PITRM1: variants seen among roughly 807,000 people sequenced by gnomAD.
PITRM1 encodes the protein pitrilysin metallopeptidase 1.
Under a neutral mutation model 129.9 loss-of-function variants are expected in PITRM1, and 100 were observed. That is an observed-to-expected ratio of 0.77 (90% CI 0.65 to 0.91). PITRM1 has a LOEUF of 0.91. Among genes scored for constraint, PITRM1 ranks in the 40% least tolerant of loss-of-function variants. The pLI, the probability that PITRM1 is intolerant of heterozygous loss-of-function variation, is 0.00. For missense variants in PITRM1, 1,471 were observed against 1,318.3 expected (o/e 1.12, Z -1.79); for synonymous variants, 591 against 508.8 (o/e 1.16, Z -2.17).
chr10:3,147,382 G>T, intron 19 of PITRM1, 132 bp from the exon 20 acceptor site: 2 of 939,114 alleles, frequency 2.1e-6, no homozygotes, highest in Non-Finnish European at 3.3e-6. Context: ...CTTGGGCAGG[G>T]CTGGAACTGG....
At chr10:3,157,144 A>G (rs2132452660) in intron 12 of PITRM1, 80 bp from the exon 13 acceptor site, 1 of 1,292,162 alleles carries the variant, frequency 7.7e-7, no homozygotes, top group Non-Finnish European at 1.1e-6. Context: ...TTGATACTAA[A>G]ATCCTAGTTT....
chr10:3,144,621 A>T (rs1403438172), intron 21 of PITRM1, among the ~76,000 whole-genome samples: 1 of 152,140 alleles, frequency 6.6e-6, no homozygotes, highest in African/African-American at 2.4e-5. Flanking sequence ...TGGGCAATGT[A>T]GTGAGCTCCC....
chr10:3,160,112 G>C, intron 8 of PITRM1, 92 bp downstream of exon 8: 1 of 1,389,050 alleles, frequency 7.2e-7, no homozygotes, highest in Non-Finnish European at 1.0e-6. Flanking sequence ...TACCAAACAT[G>C]ACAGCATCTG....
At chr10:3,167,087 G>A (rs1302012269) in intron 2 of PITRM1, 45 bp from the exon 3 acceptor site, 1 of 1,211,436 alleles carries the variant, frequency 8.3e-7, no homozygotes, top group South Asian at 1.3e-5. Flanking sequence ...TAGACAAAAT[G>A]GCCTTTGAAA....
At chr10:3,141,112 TAC>T (rs763520174) in intron 23 of PITRM1, among the ~76,000 whole-genome samples, 9 of 152,212 alleles carry the variant, frequency 5.9e-5, no homozygotes, top group Admixed American at 1.3e-4. Flanking sequence ...TGACTATTTT[TAC>T]AGTTTTTGTA....
At chr10:3,172,793 C>G (rs904414150), upstream of PITRM1, 107 of 1,487,358 alleles carry the variant, frequency 7.2e-5, no homozygotes, top group Non-Finnish European at 9.2e-5. Flanking sequence ...GAGCACCTGG[C>G]TGGCGAGGAA....
chr10:3,164,904 C>G (rs371140889), intron 6 of PITRM1, among the ~76,000 whole-genome samples: 3 of 152,166 alleles, frequency 2.0e-5, no homozygotes, highest in Admixed American at 6.5e-5. Flanking sequence ...TGTCACACAC[C>G]TTGCCATGCA....
intron 18 of PITRM1, 57 bp from the exon 19 acceptor site, chr10:3,147,794 T>C (rs919499865): frequency 1.4e-6 from 2 of 1,471,318 alleles, no homozygotes; most frequent in Non-Finnish European, 1.8e-6. Flanking sequence ...GTCCCTTCAG[T>C]ATCATGGAAA....
At chr10:3,155,077 G>GGCCC (rs1474091666) in intron 14 of PITRM1, among the ~76,000 whole-genome samples, 5 of 152,114 alleles carry the variant, frequency 3.3e-5, no homozygotes, top group Non-Finnish European at 7.4e-5. Flanking sequence ...CTTCCATACA[G>GGCCC]GCCCTCCCCA....
chr10:3,157,282 T>A, intron 12 of PITRM1, 153 bp downstream of exon 12: 1 of 639,222 alleles, frequency 1.6e-6, no homozygotes, highest in Non-Finnish European at 2.5e-6. Context: ...GCTGAAATAA[T>A]GTTTAGGAAA....
chr10:3,149,663 T>A lies in PITRM1; in HGVS notation c.1829A>T (p.Glu610Val), dbSNP rs1001376724. 3 of 1,600,636 alleles carry A rather than the reference T, an allele frequency of 1.9e-6. No homozygotes were observed. The highest frequency in any genetic ancestry group is 1.7e-6 in the Non-Finnish European group (2 of 1,175,106). ...AFSSLNTLPE[E>V]LRPYVPLFCS... ...GAAGAGGGGCACATAGGGCCTCAGC[T>A]CCTCGGGGAGTGTGTTCAGGCTGGA... is the stretch of plus-strand genomic sequence containing the variant. Residue 610 changes from glutamate to valine, a missense_variant, in exon 16 of 27, where the codon GAG (glutamate) becomes GTG (valine). By Grantham distance (121) the Glu-to-Val change is moderately radical. Coordinates refer to ENST00000224949, the MANE Select transcript of PITRM1 (RefSeq NM_014889.4).
intron 4 of PITRM1, 91 bp downstream of exon 4, chr10:3,166,138 C>T (rs890278068): frequency 2.7e-6 from 3 of 1,104,562 alleles, no homozygotes; most frequent in Non-Finnish European, 3.7e-6. Context: ...GAATTGCCCA[C>T]TCCCCTCATT....
intron 14 of PITRM1, among the ~76,000 whole-genome samples, chr10:3,153,641 C>CA (rs113258036): frequency 1.7e-3 from 258 of 150,266 alleles, no homozygotes; most frequent in Middle Eastern, 3.5e-3. Flanking sequence ...AAAAAAACAA[C>CA]AAAAAAAAAC....
chr10:3,153,358 G>A (rs568689717), intron 14 of PITRM1, among the ~76,000 whole-genome samples: 8 of 152,304 alleles, frequency 5.3e-5, no homozygotes, highest in South Asian at 2.1e-4. Flanking sequence ...AATTAAAAGC[G>A]GGAAGATTGG....
intron 15 of PITRM1, among the ~76,000 whole-genome samples, chr10:3,150,863 C>T (rs1013764126): frequency 3.1e-4 from 47 of 152,110 alleles, no homozygotes; most frequent in African/African-American, 1.1e-3. Context: ...GGCTCTCGTC[C>T]CTCTGCTTCC....
Position 3,140,759 on chromosome 10 carries a change from C to T in PITRM1, c.2699G>A (p.Arg900Gln), listed in dbSNP as rs1483011118. The T allele has an allele frequency of 1.9e-6, 3 of 1,595,188 alleles. No homozygotes were observed. The highest frequency in any genetic ancestry group is 2.6e-6 in the Non-Finnish European group (3 of 1,169,810). Residue 900 changes from arginine (R) to glutamine (Q), a missense_variant, in exon 24 of 27, where the codon CGA becomes CAA. Physicochemically the swap from Arg to Gln is conservative, Grantham distance 43 (BLOSUM62 1). Transcript: ENST00000224949. ...TCCACCATAAGCACCGCCTTTTTCTCGAATTTCTGTATGCAAGAATTTGGC... is the reference window on the plus strand; with the variant it reads ...TCCACCATAAGCACCGCCTTTTTCTTGAATTTCTGTATGCAAGAATTTGGC... ...MTAKFLHTEI[R>Q]EKGGAYGGGA...
chr10:3,149,596 C>T, intron 16 of PITRM1, 25 bp downstream of exon 16: 3 of 1,523,946 alleles, frequency 2.0e-6, no homozygotes, highest in Non-Finnish European at 2.6e-6. Flanking sequence ...TAATAAGACA[C>T]ACAAGGGTAT....
intron 7 of PITRM1, among the ~76,000 whole-genome samples, chr10:3,162,735 C>A (rs985257708): frequency 6.6e-6 from 1 of 152,214 alleles, no homozygotes; most frequent in Non-Finnish European, 1.5e-5. Flanking sequence ...GCACCCAACA[C>A]CAGGCGGGAA....
intron 10 of PITRM1, among the ~76,000 whole-genome samples, chr10:3,158,357 C>T (rs1842146730): frequency 6.6e-6 from 1 of 152,094 alleles, no homozygotes; most frequent in South Asian, 2.1e-4. Context: ...AAAATTTAAA[C>T]TTTTGAGTTA....
Sources: gnomAD v4.1 joint callset for allele counts (sites outside exome capture counted in the v4.1 genomes callset) on GRCh38, gnomAD v4.1.1 for gene constraint, MANE v1.5 for transcripts, NCBI Gene and HGNC (gene_info 2026-07-23, HGNC 2026-07-21) for gene names.